The following IFI16 variants were observed in gnomAD, a reference collection of about 807,000 sequenced individuals.
IFI16 encodes gamma-interferon-inducible protein 16.
IFI16 carries 49 observed loss-of-function variants against 68.4 expected under a neutral mutation model. The observed-to-expected ratio is 0.72, with a 90% CI of 0.57 to 0.91. The LOEUF (loss-of-function observed/expected upper bound fraction) is 0.91, where lower values mean the gene tolerates loss of function less well. IFI16 is among the 40% of genes least tolerant of loss of function. The probability of loss-of-function intolerance (pLI) is 0.00; values close to 1 mark genes in which losing one functional copy is unlikely to be tolerated. For synonymous variants in IFI16, 307 were observed against 315.0 expected, an observed-to-expected ratio of 0.97 and a Z score of 0.27; for missense variants, 878 against 942.9, an observed-to-expected ratio of 0.93 and a Z score of 0.90.
At chr1:159,031,126 G>A (rs1009000258) in intron 6 of IFI16, among the ~76,000 whole-genome samples, 2 of 152,126 alleles carry the variant, frequency 1.3e-5, no homozygotes, top group Middle Eastern at 3.2e-3. Context: ...AAAGCTGGTA[G>A]TTACAGGCCT....
Position 159,024,188 on chromosome 1 carries a change from T to G in IFI16, c.1161+3659T>G, listed in dbSNP as rs571737889. The stretch of plus-strand genomic sequence containing the variant: ...TTTGTCTTAATGGCTAAGGTCTGTC[T>G]TAGATGTCTTATTTTTACAATAGAC... On this transcript the variant is annotated intron_variant, in intron 6 of 11. Transcript: ENST00000295809. Among the ~76,000 whole-genome samples the G allele has an allele frequency of 5.9e-5, 9 of 152,366 alleles. No homozygotes were observed. The South Asian group carries it at 1.7e-3, about 28-fold the overall frequency.
At chr1:159,049,147 G>A (rs941525031) in intron 8 of IFI16, among the ~76,000 whole-genome samples, 11 of 149,750 alleles carry the variant, frequency 7.3e-5, no homozygotes, top group African/African-American at 2.2e-4. Flanking sequence ...AGTTGTACCT[G>A]ACCAAATAAC....
At chr1:159,037,860 TA>T (rs902026023) in intron 7 of IFI16, among the ~76,000 whole-genome samples, 5 of 151,802 alleles carry the variant, frequency 3.3e-5, no homozygotes, top group Admixed American at 6.6e-5. Context: ...GGGCAGACAT[TA>T]AAAAAAATGC....
intron 8 of IFI16, 54 bp downstream of exon 8, chr1:159,045,518 A>C: frequency 6.3e-7 from 1 of 1,594,370 alleles, no homozygotes; most frequent in Non-Finnish European, 8.6e-7. Flanking sequence ...AATGACAAGG[A>C]TTAACACAAC....
At chr1:159,016,091 C>T (rs1300740655) in intron 3 of IFI16, 104 bp downstream of exon 3, 6 of 716,854 alleles carry the variant, frequency 8.4e-6, no homozygotes, top group Non-Finnish European at 1.4e-5. Flanking sequence ...TCATGTTTCC[C>T]ATCAAGTTTC....
chr1:159,021,211 T>C (rs1160920060), intron 6 of IFI16, among the ~76,000 whole-genome samples: 1 of 152,196 alleles, frequency 6.6e-6, no homozygotes, highest in Non-Finnish European at 1.5e-5. Flanking sequence ...CAGCGTACAC[T>C]GTACCCAGTG....
intron 4 of IFI16, among the ~76,000 whole-genome samples, chr1:159,017,700 C>T (rs1285347372): frequency 1.3e-5 from 2 of 152,034 alleles, no homozygotes; most frequent in Non-Finnish European, 2.9e-5. Flanking sequence ...CTCCACCTCC[C>T]GGGTTCAAGT....
chr1:159,037,860 T>TA (rs902026023), intron 7 of IFI16, among the ~76,000 whole-genome samples: 6 of 151,808 alleles, frequency 4.0e-5, no homozygotes, highest in African/African-American at 7.3e-5. Flanking sequence ...GGGCAGACAT[T>TA]AAAAAAAATG....
intron 6 of IFI16, among the ~76,000 whole-genome samples, chr1:159,021,309 C>T (rs1028783966): frequency 6.6e-6 from 1 of 152,122 alleles, no homozygotes; most frequent in African/African-American, 2.4e-5. Flanking sequence ...CCTTTGTGTC[C>T]TCATAGCTTA....
intron 1 of IFI16, among the ~76,000 whole-genome samples, chr1:159,013,033 CG>C (rs879551349): frequency 6.6e-6 from 1 of 151,962 alleles, no homozygotes; most frequent in East Asian, 1.9e-4. Flanking sequence ...TCCTCATTAC[CG>C]AAGGCTTACA....
intron 5 of IFI16, among the ~76,000 whole-genome samples, chr1:159,019,261 C>CAAAAA (rs71757653): frequency 0.062 from 8,805 of 142,368 alleles, 313 homozygotes; most frequent in Non-Finnish European, 0.084. Context: ...ATATAAATAA[C>CAAAAA]AAAAAAAAAA....
chr1:159,044,380 A>G (rs1327967973), intron 7 of IFI16, among the ~76,000 whole-genome samples: 2 of 152,164 alleles, frequency 1.3e-5, no homozygotes. Flanking sequence ...AACAATTTTG[A>G]AAATACAGTG....
At position 159,029,051 on chromosome 1, in the gene IFI16, A is replaced by G. The variant is rs1468414075; in HGVS notation, c.1162-3473A>G. On this transcript the variant is annotated intron_variant, in intron 6 of 11. Transcript: ENST00000295809. ...ATGCCATTTGCTGCCTAAATACCTT[A>G]CTTTTTTATTACTGTGTTATTGTTT... is the stretch of plus-strand genomic sequence containing the variant. 3.9e-5 allele frequency among the ~76,000 whole-genome samples: 6 copies of G among 152,090 alleles called. No individual in the cohort carries two copies. The East Asian group carries it at 1.2e-3, about 29-fold the overall frequency.
intron 5 of IFI16, 130 bp downstream of exon 5, chr1:159,018,781 G>A (rs1180274422): frequency 1.5e-6 from 1 of 665,332 alleles, no homozygotes; most frequent in Non-Finnish European, 2.6e-6. Context: ...AATGACAGGT[G>A]GATAAAGACT....
At chr1:159,016,257 T>C (rs1043218201) in intron 3 of IFI16, among the ~76,000 whole-genome samples, 2 of 152,190 alleles carry the variant, frequency 1.3e-5, no homozygotes, top group African/African-American at 4.8e-5. Flanking sequence ...GTAAGTACTT[T>C]GTCCATGTGT....
Position 159,054,878 on chromosome 1 carries a change from A to T in IFI16, c.2335A>T (p.Thr779Ser), listed in dbSNP as rs6940. ...DILNPDSSMETSPDFFF is the reference protein window; with the variant it reads ...DILNPDSSMESSPDFFF Reference sequence around the variant, plus strand: ...ACTCAATCCTGATTCAAGTATGGAAACTTCACCAGACTTTTTCTTCTAAAA... The same window carrying T: ...ACTCAATCCTGATTCAAGTATGGAATCTTCACCAGACTTTTTCTTCTAAAA... The change falls in exon 12 of 12, where the codon ACT becomes TCT. Residue 779 changes from threonine (T) to serine (S), a missense_variant. Thr to Ser is a moderately conservative substitution (Grantham distance 58). Transcript: ENST00000295809. 225,705 of 1,591,424 alleles carry T rather than the reference A, an allele frequency of 0.14. 18,168 individuals are homozygous for T. Among genetic ancestry groups the T allele is most frequent in the East Asian group, 0.25 (11,199 of 44,644 alleles).
intron 4 of IFI16, 108 bp downstream of exon 4, chr1:159,016,808 T>C: frequency 1.0e-6 from 1 of 968,584 alleles, no homozygotes; most frequent in Non-Finnish European, 1.6e-6. Flanking sequence ...GTTAATCCAA[T>C]GTACATATTG....
intron 6 of IFI16, among the ~76,000 whole-genome samples, chr1:159,029,324 C>A (rs989206482): frequency 2.0e-5 from 3 of 152,170 alleles, no homozygotes; most frequent in Non-Finnish European, 4.4e-5. Context: ...TACTCCAAAC[C>A]TTTCTAGCTT....
rs1372632080 is a variant in IFI16, at chr1:159,051,767, C to T, written c.1754C>T (p.Ala585Val). 2 of 1,613,966 alleles carry T rather than the reference C, an allele frequency of 1.2e-6. No individual in the cohort carries two copies. The highest frequency in any genetic ancestry group is 2.2e-5 in the South Asian group (2 of 91,080). ...CTCAAAGAAGTGATGGTGCTGAACG[C>T]AACAGAATCATTTGTATATGAGCCC... ...SDLKEVMVLN[A>V]TESFVYEPKE... The change falls in exon 10 of 12, where the codon GCA (alanine) becomes GTA (valine). Residue 585 changes from alanine (A) to valine (V), a missense_variant. Ala to Val is a moderately conservative substitution (Grantham distance 64). This residue lies in a region of IFI16 where 311 missense variants were observed against 305.1 expected (regional missense o/e 1.02). Coordinates refer to ENST00000295809, the MANE Select transcript of IFI16 (RefSeq NM_001376587.1).
Sources: allele counts gnomAD v4.1 joint callset (sites outside exome capture counted in the v4.1 genomes callset), GRCh38; gene constraint gnomAD v4.1.1; regional missense constraint gnomAD v4.1.1; transcripts MANE v1.5; gene names NCBI Gene and HGNC (gene_info 2026-07-23, HGNC 2026-07-21).